PNPLA5: variants seen among roughly 807,000 people sequenced by gnomAD.
PNPLA5 encodes patatin like domain 5, triacylglycerol lipase.
In PNPLA5, 44 loss-of-function variants were observed where a neutral mutation model predicts 49.1. The ratio of observed to expected loss-of-function variants is 0.90; its 90% confidence interval spans 0.70 to 1.15. PNPLA5 has a LOEUF of 1.15. Ranked by LOEUF, PNPLA5 falls within the 50% of genes most tolerant of loss-of-function variation. PNPLA5 has a pLI of 0.00. For missense variants in PNPLA5, 603 were observed against 564.0 expected (o/e 1.07, Z -0.70); for synonymous variants, 243 against 244.4 (o/e 0.99, Z 0.06).
chr22:43,886,071 G>A (rs1184566258), intron 6 of PNPLA5, among the ~76,000 whole-genome samples: 1 of 152,214 alleles, frequency 6.6e-6, no homozygotes, highest in African/African-American at 2.4e-5. Context: ...CTGAGGTTTG[G>A]TTTCCTCATC....
At chr22:43,886,240 C>T (rs1328758589) in intron 6 of PNPLA5, 63 bp downstream of exon 6, 1 of 1,530,826 alleles carries the variant, frequency 6.5e-7, no homozygotes, top group African/African-American at 1.4e-5. Flanking sequence ...AGGCAGGGTC[C>T]CTGAGCCCGG....
rs2148323758 is a variant in PNPLA5 at position 43,880,825 on chromosome 22, T to G, written c.1260A>C (p.Arg420Ser). Reference protein sequence around the residue: ...SPLQPQIAPHREELGPTHQA With the variant: ...SPLQPQIAPHSEELGPTHQA Reference sequence around the variant, plus strand: ...CCTGGTGGGTGGGCCCGAGCTCCTCTCTATGAGGAGCTATCTGGGGTTGGA... The same window carrying G: ...CCTGGTGGGTGGGCCCGAGCTCCTCGCTATGAGGAGCTATCTGGGGTTGGA... Residue 420 changes from arginine (R) to serine (S), a missense_variant, in exon 9 of 9, where the codon AGA becomes AGC. Arg to Ser is a moderately radical substitution (Grantham distance 110). Coordinates refer to ENST00000216177, the MANE Select transcript of PNPLA5 (RefSeq NM_138814.4). The G allele has an allele frequency of 2.2e-6, 3 of 1,339,976 alleles. No homozygotes were observed. In the East Asian group the frequency reaches 8.4e-5, roughly 38 times the overall value. 83.0% of individuals were successfully genotyped at this position (1,339,976 alleles called of 1,614,324 possible). A position where few individuals can be genotyped will look rare whatever the true frequency, so the allele number is the denominator to read the frequency against.
At chr22:43,891,574 C>T in intron 1 of PNPLA5, 114 bp downstream of exon 1, 1 of 1,358,388 alleles carries the variant, frequency 7.4e-7, no homozygotes, top group South Asian at 1.5e-5. Flanking sequence ...TTAAATGAGG[C>T]TGTGCCGGGG....
At chr22:43,883,114 G>A (rs566129550) in intron 7 of PNPLA5, among the ~76,000 whole-genome samples, 2 of 152,172 alleles carry the variant, frequency 1.3e-5, no homozygotes, top group Non-Finnish European at 2.9e-5. Flanking sequence ...TCCATCTGCC[G>A]AGAACATTCT....
rs2049663866 is a variant in PNPLA5, at chr22:43,886,350, A to G, written c.902T>C (p.Val301Ala). 1 of 1,614,052 alleles carries G rather than the reference A, an allele frequency of 6.2e-7. No homozygotes were observed. Among genetic ancestry groups the G allele is most frequent in the East Asian group, 2.2e-5 (1 of 44,874 alleles). Residue 301 changes from valine (V) to alanine (A), a missense_variant, in exon 6 of 9, where the codon GTC becomes GCC. Coordinates refer to ENST00000216177, the MANE Select transcript of PNPLA5 (RefSeq NM_138814.4). ...CTGCTCAAAGTTGGGTACATCCTTG[A>G]CTTGCACATGGGGCACTTTCCAGTT... Reference protein sequence around the residue: ...SLNWKVPHVQVKDVPNFEQLS... With the variant: ...SLNWKVPHVQAKDVPNFEQLS...
At chr22:43,888,361 G>A (rs1404540263) in intron 4 of PNPLA5, among the ~76,000 whole-genome samples, 1 of 148,784 alleles carries the variant, frequency 6.7e-6, no homozygotes, top group African/African-American at 2.5e-5. Flanking sequence ...GGATGTGGAT[G>A]GGGCAGAGGA....
intron 7 of PNPLA5, among the ~76,000 whole-genome samples, chr22:43,883,872 G>C (rs945438320): frequency 6.6e-6 from 1 of 152,000 alleles, no homozygotes; most frequent in Non-Finnish European, 1.5e-5. Context: ...AGCCCAGAGA[G>C]GTCAAGAGAC....
rs73888476 is a variant in PNPLA5 at position 43,887,466 on chromosome 22, C to T, written c.763+125G>A. The T allele has an allele frequency of 1.2e-4, 141 of 1,180,910 alleles. No individual in the cohort carries two copies. The African/African-American group carries it at 1.5e-3, about 13-fold the overall frequency. The allele number at this position is 1,180,910 out of a possible 1,614,324, so 73.2% of individuals were successfully genotyped here. A position where few individuals can be genotyped will look rare whatever the true frequency, so the allele number is the denominator to read the frequency against. On this transcript the variant is annotated intron_variant, in intron 5 of 8. Transcript: ENST00000216177. ...CCCAGTACTCAGCTCAGGTCCAGCACAGAGCAGATGATGAGGAAGAGACTG... is the reference window on the plus strand; with the variant it reads ...CCCAGTACTCAGCTCAGGTCCAGCATAGAGCAGATGATGAGGAAGAGACTG...
At chr22:43,884,182 G>T in intron 7 of PNPLA5, 31 bp downstream of exon 7, 3 of 1,508,024 alleles carry the variant, frequency 2.0e-6, no homozygotes, top group Middle Eastern at 3.6e-4. Context: ...CACAAGCCAG[G>T]CCCTTCCCAG....
chr22:43,889,901 A>T (rs755692708), intron 2 of PNPLA5, 37 bp from the exon 3 acceptor site: 8 of 1,608,828 alleles, frequency 5.0e-6, no homozygotes, highest in Non-Finnish European at 6.8e-6. Context: ...ACAACTGTGC[A>T]TGCTTCTTGC....
At chr22:43,883,967 G>A (rs1016664973) in intron 7 of PNPLA5, among the ~76,000 whole-genome samples, 2 of 152,072 alleles carry the variant, frequency 1.3e-5, no homozygotes, top group African/African-American at 2.4e-5. Flanking sequence ...GGCCCAGGAG[G>A]CCGACCAGGA....
At position 43,886,439 on chromosome 22, in the gene PNPLA5, TG is replaced by T; in HGVS notation, c.812del (p.Pro271GlnfsTer48). The T allele has an allele frequency of 6.2e-7, 1 of 1,614,112 alleles. No individual in the cohort carries two copies. The highest frequency in any genetic ancestry group is 8.5e-7 in the Non-Finnish European group (1 of 1,180,004). On this transcript the variant is annotated frameshift_variant, in exon 6 of 9. Transcript: ENST00000216177. LOFTEE classifies it high-confidence loss of function. ...VLWTLVSKEP[P>X]APADGNWDAG... The stretch of plus-strand genomic sequence containing the variant: ...CATCCCAGTTTCCGTCAGCCGGGGC[TG>T]GGGGTTCCTTAGACACCAGCGTCCA...
rs115529683 is a variant in PNPLA5, at chr22:43,884,025, T to C, written c.1082+188A>G. Among the ~76,000 whole-genome samples the C allele has an allele frequency of 4.4e-3, 666 of 151,978 alleles. 8 individuals are homozygous for C. Among genetic ancestry groups the C allele is most frequent in the African/African-American group, 0.015 (637 of 41,416 alleles). ...CCACCATGCCACTTCTCCACCAGTC[T>C]CATTTTGCAGAGGAGATCACAGAGG... On this transcript the variant is annotated intron_variant, in intron 7 of 8. Transcript: ENST00000216177.
intron 8 of PNPLA5, 55 bp downstream of exon 8, chr22:43,881,503 G>A (rs1448348410): frequency 1.3e-6 from 2 of 1,496,692 alleles, no homozygotes; most frequent in Non-Finnish European, 9.0e-7. Flanking sequence ...AGCAGCTGGT[G>A]CGTTCCCCCC....
In PNPLA5 at chr22:43,891,047, C is replaced by T. The variant is rs896974730; in HGVS notation, c.426+15G>A. On this transcript the variant is annotated intron_variant, in intron 2 of 8. Transcript: ENST00000216177. ...CCGCCCACCAGCCAAGCCCTGGGCA[C>T]CCCCCGCCCCACACCTGGATGAGCT... The T allele has an allele frequency of 3.1e-6, 5 of 1,596,554 alleles. No individual in the cohort carries two copies. The South Asian group carries it at 3.4e-5, about 11-fold the overall frequency.
chr22:43,880,741 G>T lies in PNPLA5; in HGVS notation c.*54C>A. On this transcript the variant is annotated 3_prime_UTR_variant, in exon 9 of 9. Transcript: ENST00000216177. ...GCAGATGTGGGCACACAGGACAAAG[G>T]CCAGAGCAGGAATCAAGGGACACCA... is the stretch of plus-strand genomic sequence containing the variant. The T allele has an allele frequency of 7.9e-7, 1 of 1,273,192 alleles. No individual in the cohort carries two copies. The highest frequency in any genetic ancestry group is 1.0e-6 in the Non-Finnish European group (1 of 1,002,800). 78.9% of individuals were successfully genotyped at this position (1,273,192 alleles called of 1,614,324 possible).
chr22:43,888,560 G>C (rs2049691162), intron 4 of PNPLA5, among the ~76,000 whole-genome samples: 2 of 148,610 alleles, frequency 1.3e-5, no homozygotes, highest in Non-Finnish European at 3.0e-5. Context: ...TCAGCTTCCT[G>C]AGTAGCTGGA....
At chr22:43,889,942 T>TAA in intron 2 of PNPLA5, 78 bp from the exon 3 acceptor site, 1 of 1,558,746 alleles carries the variant, frequency 6.4e-7, no homozygotes, top group Non-Finnish European at 8.7e-7. Flanking sequence ...CGGTTTCTAA[T>TAA]CCCAACAGCC....
chr22:43,891,726 G>A lies in PNPLA5; in HGVS notation c.155C>T (p.Ala52Val), dbSNP rs1479284762. The A allele has an allele frequency of 1.7e-5, 27 of 1,547,432 alleles. No homozygotes were observed. Among genetic ancestry groups the A allele is most frequent in the Middle Eastern group, 3.3e-4 (2 of 5,994 alleles). ...GCAGACGATGCTGACTGCGTTGAGC[G>A]CCCCAGACGAGGAACCGTAGATGCG... ...ARRIYGSSSG[A>V]LNAVSIVCGK... The change falls in exon 1 of 9, where the codon GCG becomes GTG. Residue 52 changes from alanine to valine, a missense_variant. Transcript: ENST00000216177.
Sources: gnomAD v4.1 joint callset for allele counts (sites outside exome capture counted in the v4.1 genomes callset) on GRCh38, gnomAD v4.1.1 for gene constraint, MANE v1.5 for transcripts, NCBI Gene and HGNC (gene_info 2026-07-23, HGNC 2026-07-21) for gene names.